Variants in CTSB observed in about 807,000 individuals in gnomAD.
CTSB encodes APP secretase.
A neutral mutation model predicts 44.3 loss-of-function variants in CTSB; 57 were observed. The ratio of observed to expected loss-of-function variants is 1.29; its 90% CI spans 1.04 to 1.60. CTSB has a LOEUF of 1.60. Ranked by LOEUF, CTSB falls within the 40% of genes most tolerant of loss-of-function variation. The probability of loss-of-function intolerance (pLI) is 0.00; values close to 1 mark genes in which losing one functional copy is unlikely to be tolerated. For missense variants in CTSB, 768 were observed against 443.0 expected (o/e 1.73, Z -6.59); for synonymous variants, 320 against 168.0 (o/e 1.91, Z -7.00).
At chr8:11,865,022 G>T (rs149637207) in intron 1 of CTSB, among the ~76,000 whole-genome samples, 1 of 152,108 alleles carries the variant, frequency 6.6e-6, no homozygotes, top group Non-Finnish European at 1.5e-5. Flanking sequence ...ATGCCAGGGC[G>T]CAAGGTTTGC....
chr8:11,850,636 C>G (rs1814415563), intron 4 of CTSB: 2 of 387,720 alleles, frequency 5.2e-6, no homozygotes, highest in African/African-American at 2.0e-5. Flanking sequence ...GCTTCGCCAC[C>G]TGTACACGTG....
At chr8:11,845,274 T>A (rs757921757) in intron 9 of CTSB, 52 bp from the exon 10 acceptor site, 5 of 1,361,536 alleles carry the variant, frequency 3.7e-6, no homozygotes, top group Non-Finnish European at 4.2e-6. Context: ...TCAACCAATA[T>A]AGTCAGACTC....
intron 8 of CTSB, 27 bp downstream of exon 8, chr8:11,847,025 C>G: frequency 8.5e-7 from 1 of 1,180,768 alleles, no homozygotes. Context: ...CCCCCACCCT[C>G]TATTGCCATC....
chr8:11,845,262 G>C (rs755024290), intron 9 of CTSB, 40 bp from the exon 10 acceptor site: 2 of 1,469,364 alleles, frequency 1.4e-6, no homozygotes, highest in African/African-American at 1.4e-5. Flanking sequence ...GTGTGACAAG[G>C]GTCAACCAAT....
intron 6 of CTSB, 107 bp from the exon 7 acceptor site, chr8:11,847,929 A>G (rs1429619893): frequency 1.6e-5 from 22 of 1,417,300 alleles, no homozygotes; most frequent in Non-Finnish European, 1.7e-5. Context: ...AGGTCCTGCC[A>G]GAGGCCTGTG....
intron 1 of CTSB, among the ~76,000 whole-genome samples, chr8:11,856,307 G>A (rs1815498883): frequency 6.6e-6 from 1 of 152,124 alleles, no homozygotes; most frequent in African/African-American, 2.4e-5. Context: ...TACGGTAAGT[G>A]GTTAAATAGA....
At chr8:11,852,738 G>A (rs1324196309) in intron 2 of CTSB, 43 bp from the exon 3 acceptor site, 2 of 1,573,564 alleles carry the variant, frequency 1.3e-6, no homozygotes, top group East Asian at 4.5e-5. Context: ...TCCCGGGATG[G>A]CGGTGGATGG....
chr8:11,859,205 G>A (rs1444645984), intron 1 of CTSB, among the ~76,000 whole-genome samples: 2 of 152,106 alleles, frequency 1.3e-5, no homozygotes, highest in South Asian at 2.1e-4. Flanking sequence ...GAGAAAGCAC[G>A]CTCCACCCCG....
intron 1 of CTSB, chr8:11,862,309 G>A (rs1347608526): frequency 1.3e-5 from 2 of 152,114 alleles, no homozygotes; most frequent in Non-Finnish European, 2.9e-5. Context: ...AAGGCTGATG[G>A]AAGATACAAG....
chr8:11,848,503 G>A (rs532598779), intron 5 of CTSB: 16 of 390,540 alleles, frequency 4.1e-5, no homozygotes, highest in South Asian at 1.1e-4. Flanking sequence ...AACACCACCA[G>A]TTCTCTGAAA....
chr8:11,845,172 C>G lies in CTSB; in HGVS notation c.973G>C (p.Val325Leu), dbSNP rs754436249. Residue 325 changes from valine (V) to leucine (L), a missense_variant, in exon 10 of 10, where the codon GTG (valine) becomes CTG (leucine). Physicochemically the swap from Val to Leu is conservative, Grantham distance 32. Coordinates refer to ENST00000353047, the MANE Select transcript of CTSB (RefSeq NM_001908.5). ...GQDHCGIESE[V>L]VAGIPRTDQY... is the part of the protein sequence containing the mutation. ...TCGGTGCGTGGAATTCCAGCCACCA[C>G]TTCTGATTCGATTCCACAGTGATCC... The G allele has an allele frequency of 6.2e-7, 1 of 1,614,128 alleles. No homozygotes were observed. Among genetic ancestry groups the G allele is most frequent in the Admixed American group, 1.7e-5 (1 of 60,026 alleles).
chr8:11,849,983 TA>T (rs1182564643), intron 4 of CTSB: 1 of 152,230 alleles, frequency 6.6e-6, no homozygotes, highest in Admixed American at 6.6e-5. Context: ...AGACAGAAAG[TA>T]GAGTGGGGCT....
chr8:11,845,358 A>G, intron 9 of CTSB, 136 bp from the exon 10 acceptor site: 3 of 705,242 alleles, frequency 4.3e-6, no homozygotes, highest in South Asian at 3.6e-5. Flanking sequence ...CCTCAACACC[A>G]CAAGGCTTCT....
rs1816793399 is a variant in CTSB at position 11,864,208 on chromosome 8, C to T, written c.-26+3793G>A. Among the ~76,000 whole-genome samples, 4 of 151,002 alleles carry T rather than the reference C, an allele frequency of 2.6e-5. No homozygotes were observed. The South Asian group carries it at 8.4e-4, about 32-fold the overall frequency. ...CAAAAAGGCCTGGAGGTGACTCATG[C>T]CTTGTAATCCCAGCATTTGGAAGGC... On this transcript the variant is annotated intron_variant, in intron 1 of 9. Transcript: ENST00000353047.
At chr8:11,846,911 A>G (rs1813472735) in intron 8 of CTSB, 141 bp downstream of exon 8, 1 of 652,802 alleles carries the variant, frequency 1.5e-6, no homozygotes, top group Non-Finnish European at 2.8e-6. Context: ...GTGAGCCTAT[A>G]TGGAAGGCCC....
chr8:11,848,111 G>A lies in CTSB; in HGVS notation c.488C>T (p.Thr163Ile), dbSNP rs1563390435. 2.5e-6 allele frequency: 4 copies of A among 1,614,026 alleles called. No homozygotes were observed. In the East Asian group the frequency reaches 6.7e-5, roughly 27 times the overall value. ...GCCACCAGAAACCAGGCCTTTTCTT[G>A]TCCAGAAGTTCCAAGCTTCAGCAGG... ...GYPAEAWNFW[T>I]RKGLVSGGLY... Residue 163 changes from threonine to isoleucine, a missense_variant, in exon 6 of 10, where the codon ACA (threonine) becomes ATA (isoleucine). Physicochemically the swap from Thr to Ile is moderately conservative, Grantham distance 89 (BLOSUM62 -1). Coordinates refer to ENST00000353047, the MANE Select transcript of CTSB (RefSeq NM_001908.5).
At chr8:11,853,279 A>G in intron 2 of CTSB, 50 bp downstream of exon 2, 1 of 1,604,040 alleles carries the variant, frequency 6.2e-7, no homozygotes, top group Non-Finnish European at 8.5e-7. Flanking sequence ...GTCAGTGTGC[A>G]CAGACCGACC....
intron 4 of CTSB, 128 bp from the exon 5 acceptor site, chr8:11,849,292 C>A: frequency 1.6e-6 from 1 of 615,544 alleles, no homozygotes; most frequent in Non-Finnish European, 2.9e-6. Flanking sequence ...CCAGGGGACG[C>A]TCCTGGGGCT....
In CTSB at chr8:11,847,105, C is replaced by G; in HGVS notation, c.740G>C (p.Gly247Ala). The G allele has an allele frequency of 6.2e-7, 1 of 1,612,854 alleles. No individual in the cohort carries two copies. The highest frequency in any genetic ancestry group is 8.5e-7 in the Non-Finnish European group (1 of 1,179,244). Residue 247 changes from glycine to alanine, a missense_variant, in exon 8 of 10, where the codon GGC becomes GCC. Physicochemically the swap from Gly to Ala is moderately conservative, Grantham distance 60. Transcript: ENST00000353047. ...CACAGAGAAAGCTCCCTCCACGGGG[C>G]CGTTTTTGTAGATCTCGGCCATGAT... Reference protein sequence around the residue: ...KDIMAEIYKNGPVEGAFSVYS... With the variant: ...KDIMAEIYKNAPVEGAFSVYS...
Sources: allele counts gnomAD v4.1 joint callset (sites outside exome capture counted in the v4.1 genomes callset), GRCh38; gene constraint gnomAD v4.1.1; transcripts MANE v1.5; gene names NCBI Gene and HGNC (gene_info 2026-07-23, HGNC 2026-07-21).